CPVL: variants seen among roughly 807,000 people sequenced by gnomAD.
CPVL encodes probable serine carboxypeptidase CPVL.
In CPVL, 51 loss-of-function variants were observed where a neutral mutation model predicts 63.7. The ratio of observed to expected loss-of-function variants is 0.80; its 90% confidence interval spans 0.64 to 1.01. The LOEUF (loss-of-function observed/expected upper bound fraction) is 1.01, where lower values mean the gene tolerates loss of function less well. CPVL is among the 50% of genes least tolerant of loss of function. The probability of loss-of-function intolerance (pLI) is 0.00; values close to 1 mark genes in which losing one functional copy is unlikely to be tolerated. For synonymous variants in CPVL, 195 were observed against 206.0 expected (o/e 0.95, Z 0.46); for missense variants, 530 against 573.1 (o/e 0.92, Z 0.77).
chr7:29,083,610 T>A (rs944828139), intron 7 of CPVL, among the ~76,000 whole-genome samples: 1 of 152,146 alleles, frequency 6.6e-6, no homozygotes, highest in African/African-American at 2.4e-5. Flanking sequence ...TGCCTGAGAA[T>A]GAAACCAGAA....
rs373142384 is a variant in CPVL at position 29,177,114 on chromosome 7, T to C, written c.-11+4176A>G. ...TTTTAGTTTAGTGAACATTGTCTTC[T>C]AGCACAGAGACACTAAAAAATTTAC... On this transcript the variant is annotated intron_variant, in intron 5 of 16. Coordinates refer to the CPVL transcript ENST00000409850. Among the ~76,000 whole-genome samples, 5 of 152,376 alleles carry C rather than the reference T, an allele frequency of 3.3e-5. No homozygotes were observed. The East Asian group carries it at 9.6e-4, about 29-fold the overall frequency.
intron 9 of CPVL, among the ~76,000 whole-genome samples, chr7:29,070,804 T>C (rs1024778095): frequency 6.6e-6 from 1 of 152,180 alleles, no homozygotes; most frequent in Non-Finnish European, 1.5e-5. Flanking sequence ...ACTTGTAAAA[T>C]GAAAAATAAC....
intron 1 of CPVL, among the ~76,000 whole-genome samples, chr7:29,133,581 T>C (rs1790909899): frequency 1.3e-5 from 2 of 152,204 alleles, no homozygotes; most frequent in South Asian, 4.1e-4. Flanking sequence ...TTTTACCTGA[T>C]GCCCCATGGG....
intron 6 of CPVL, among the ~76,000 whole-genome samples, chr7:29,090,682 T>C (rs990402889): frequency 3.9e-5 from 6 of 152,326 alleles, no homozygotes; most frequent in African/African-American, 1.4e-4. Context: ...AAATCAAAGT[T>C]AATACATTTC....
At chr7:29,020,662 T>G (rs535350949) in intron 12 of CPVL, among the ~76,000 whole-genome samples, 2 of 144,524 alleles carry the variant, frequency 1.4e-5, no homozygotes, top group South Asian at 4.5e-4. Context: ...TAAAAATTCA[T>G]GTTGTTTTTA....
intron 7 of CPVL, among the ~76,000 whole-genome samples, chr7:29,083,188 A>G (rs1390733627): frequency 6.6e-6 from 1 of 152,342 alleles, no homozygotes; most frequent in East Asian, 1.9e-4. Context: ...GTTACTTGCC[A>G]TTCCCATGGA....
chr7:29,045,762 A>G (rs2128168563), intron 11 of CPVL, among the ~76,000 whole-genome samples: 1 of 152,364 alleles, frequency 6.6e-6, no homozygotes, highest in Admixed American at 6.5e-5. Flanking sequence ...TGCCATCAAA[A>G]AATGTTATGA....
At chr7:29,155,924 C>T (rs1043687340) in intron 5 of CPVL, among the ~76,000 whole-genome samples, 3 of 152,300 alleles carry the variant, frequency 2.0e-5, no homozygotes, top group East Asian at 1.9e-4. Flanking sequence ...GGCCCTGAGC[C>T]GATAGATCTA....
At chr7:29,194,401 C>G (rs1746769132) in intron 1 of CPVL, 1 of 152,504 alleles carries the variant, frequency 6.6e-6, no homozygotes, top group Admixed American at 6.5e-5. Flanking sequence ...CCCGAGCGAC[C>G]GCGTCTCCTC....
At chr7:29,046,976 T>C (rs1789686293) in intron 11 of CPVL, among the ~76,000 whole-genome samples, 1 of 152,246 alleles carries the variant, frequency 6.6e-6, no homozygotes, top group African/African-American at 2.4e-5. Flanking sequence ...TCAATGGTAC[T>C]TGAGGTGGTG....
intron 11 of CPVL, among the ~76,000 whole-genome samples, chr7:29,054,593 T>G (rs1790520144): frequency 6.6e-6 from 1 of 152,212 alleles, no homozygotes; most frequent in South Asian, 2.1e-4. Flanking sequence ...AATATGAATT[T>G]ATTTTCTCTC....
intron 1 of CPVL, among the ~76,000 whole-genome samples, chr7:29,186,764 G>A (rs558159846): frequency 3.3e-3 from 507 of 152,148 alleles, no homozygotes; most frequent in African/African-American, 0.011. Flanking sequence ...GAAATTTCAA[G>A]TAAAAACTAA....
At chr7:29,026,233 A>C (rs1311318630) in intron 12 of CPVL, among the ~76,000 whole-genome samples, 1 of 152,172 alleles carries the variant, frequency 6.6e-6, no homozygotes, top group Non-Finnish European at 1.5e-5. Flanking sequence ...GAATCAATTA[A>C]GAAATCAAGA....
intron 3 of CPVL, among the ~76,000 whole-genome samples, chr7:29,108,254 C>T (rs1030767119): frequency 6.6e-6 from 1 of 152,198 alleles, no homozygotes; most frequent in Non-Finnish European, 1.5e-5. Context: ...CAGGTTTTGG[C>T]TCCATGGCAT....
At chr7:29,195,264 A>G (rs1483606451) in exon 1 of CPVL, 1 of 398,266 alleles carries the variant, frequency 2.5e-6, no homozygotes, top group Non-Finnish European at 4.4e-6. Context: ...AGCGAGCGAA[A>G]AGCGAAAGGA....
In CPVL at chr7:29,063,956, T is replaced by G. The variant is rs949876017; in HGVS notation, c.1137+105A>C. The G allele has an allele frequency of 5.4e-5, 38 of 702,960 alleles. No individual in the cohort carries two copies. The Admixed American group carries it at 9.0e-4, about 17-fold the overall frequency. 43.5% of individuals were successfully genotyped at this position (702,960 alleles called of 1,614,324 possible). A position where few individuals can be genotyped will look rare whatever the true frequency, so the allele number is the denominator to read the frequency against. On this transcript the variant is annotated intron_variant, in intron 11 of 12. Transcript: ENST00000265394. ...GGCTGTTATTTATGCTAATGACACATCATAAAAGTTAAAAAAAAAAAAAAG... is the reference window on the plus strand; with the variant it reads ...GGCTGTTATTTATGCTAATGACACAGCATAAAAGTTAAAAAAAAAAAAAAG...
rs559333173 is a variant in CPVL at position 29,044,102 on chromosome 7, C to T, written c.1138-13343G>A. ...ACCGTGACATACAGACCAAATCAGC[C>T]CCCTAGGACCAATCTGTACATTATA... On this transcript the variant is annotated intron_variant, in intron 11 of 12. Transcript: ENST00000265394. Among the ~76,000 whole-genome samples, 7 of 152,114 alleles carry T rather than the reference C, an allele frequency of 4.6e-5. No homozygotes were observed. In the South Asian group the frequency reaches 1.5e-3, roughly 32 times the overall value.
At chr7:29,042,880 G>A (rs535541724) in intron 11 of CPVL, among the ~76,000 whole-genome samples, 21 of 152,342 alleles carry the variant, frequency 1.4e-4, no homozygotes, top group Admixed American at 6.5e-4. Flanking sequence ...GACAGTGGAC[G>A]GGGAGGCCCT....
At chr7:29,176,141 G>A (rs925195641) in intron 5 of CPVL, among the ~76,000 whole-genome samples, 9 of 151,610 alleles carry the variant, frequency 5.9e-5, no homozygotes, top group African/African-American at 7.3e-5. Flanking sequence ...AGCCAAGATC[G>A]CGCCACTGCA....
Sources: allele counts gnomAD v4.1 joint callset (sites outside exome capture counted in the v4.1 genomes callset), GRCh38; gene constraint gnomAD v4.1.1; transcripts MANE v1.5; gene names NCBI Gene and HGNC (gene_info 2026-07-23, HGNC 2026-07-21).